Variants in FBXW4 observed in about 807,000 individuals in gnomAD.
The protein encoded by FBXW4 is F-box and WD repeat domain containing 4.
A neutral mutation model predicts 61.8 loss-of-function variants in FBXW4; 40 were observed. That is an observed-to-expected ratio of 0.65 (90% CI 0.50 to 0.84). The LOEUF (loss-of-function observed/expected upper bound fraction) is 0.84, where lower values mean the gene tolerates loss of function less well. FBXW4 is among the 40% of genes least tolerant of loss of function. The pLI, the probability that FBXW4 is intolerant of heterozygous loss-of-function variation, is 0.00. For synonymous variants in FBXW4, 311 were observed against 313.8 expected, an observed-to-expected ratio of 0.99 and a Z score of 0.10; for missense variants, 672 against 753.8, an observed-to-expected ratio of 0.89 and a Z score of 1.27.
At position 101,611,581 on chromosome 10, in the gene FBXW4, A is replaced by G; in HGVS notation, c.1584+47T>C. On this transcript the variant is annotated intron_variant, in intron 8 of 8. Coordinates refer to ENST00000331272, the MANE Select transcript of FBXW4 (RefSeq NM_022039.4). The surrounding 1 kb of genome is among the most constrained non-coding windows in gnomAD (Gnocchi z 4.9). The stretch of plus-strand genomic sequence containing the variant: ...TCACCCTCTCCCAAATGCAGCCCAT[A>G]ATCATGAGTCCTGGCATGCTGGAGA... 1 of 1,605,830 alleles carries G rather than the reference A, an allele frequency of 6.2e-7. No individual in the cohort carries two copies. Among genetic ancestry groups the G allele is most frequent in the Non-Finnish European group, 8.5e-7 (1 of 1,174,144 alleles).
At position 101,611,815 on chromosome 10, in the gene FBXW4, A is replaced by G. The variant is rs760799090; in HGVS notation, c.1443-46T>C. On this transcript the variant is annotated intron_variant, in intron 7 of 8. Transcript: ENST00000331272. This position sits in a 1 kb window ranked among gnomAD's most constrained non-coding sequence, Gnocchi z 4.9. Reference sequence around the variant, plus strand: ...CAGAGGGAGGTTTAGGGTACCCTCCACCTCTACCCCAGCTTTCTTGGGCCT... The same window carrying G: ...CAGAGGGAGGTTTAGGGTACCCTCCGCCTCTACCCCAGCTTTCTTGGGCCT... The G allele has an allele frequency of 6.3e-7, 1 of 1,587,042 alleles. No homozygotes were observed. Among genetic ancestry groups the G allele is most frequent in the Admixed American group, 1.7e-5 (1 of 58,658 alleles).
intron 5 of FBXW4, among the ~76,000 whole-genome samples, chr10:101,636,124 C>T (rs762505301): frequency 1.1e-4 from 17 of 151,848 alleles, no homozygotes; most frequent in African/African-American, 1.7e-4. Context: ...CTGAGGTGGG[C>T]GGATCAGTTG....
chr10:101,662,092 T>C (rs954706687), intron 5 of FBXW4, among the ~76,000 whole-genome samples: 1 of 152,234 alleles, frequency 6.6e-6, no homozygotes, highest in African/African-American at 2.4e-5. Flanking sequence ...GAATCTGAAC[T>C]GCAAGTTGGC....
intron 5 of FBXW4, among the ~76,000 whole-genome samples, chr10:101,631,629 C>CTTTT (rs11286397): frequency 7.2e-6 from 1 of 138,824 alleles, no homozygotes. Context: ...ACATTATTTA[C>CTTTT]TTTTTTTTTT....
chr10:101,611,748 C>T lies in FBXW4; in HGVS notation c.1464G>A (p.Glu488=). Residue 488 remains glutamate (E), a synonymous_variant, in exon 8 of 9, where the codon GAG becomes GAA. Transcript: ENST00000331272. The surrounding 1 kb of genome is among the most constrained non-coding windows in gnomAD (Gnocchi z 4.9). ...AGTACAGGGTGCTGTCGTGGGGCTC[C>T]TCCCACTCCATGACACATTTCCTGT... ...TSVRKCVMEW[E]EPHDSTLYCL... is the part of the protein sequence containing the mutation. 6.2e-7 allele frequency: 1 copy of T among 1,614,016 alleles called. No homozygotes were observed. The highest frequency in any genetic ancestry group is 8.5e-7 in the Non-Finnish European group (1 of 1,179,956).
At chr10:101,622,376 A>G (rs1202156166) in intron 6 of FBXW4, among the ~76,000 whole-genome samples, 1 of 152,214 alleles carries the variant, frequency 6.6e-6, no homozygotes, top group Non-Finnish European at 1.5e-5. Flanking sequence ...AAAGTCAATA[A>G]TTTAGATTCC....
At chr10:101,672,840 G>A in intron 4 of FBXW4, 75 bp downstream of exon 4, 1 of 1,541,698 alleles carries the variant, frequency 6.5e-7, no homozygotes, top group Non-Finnish European at 8.8e-7. Flanking sequence ...AGCCAATCCT[G>A]AGACTCAGGG....
intron 5 of FBXW4, among the ~76,000 whole-genome samples, chr10:101,639,588 G>C (rs1342853356): frequency 2.0e-5 from 3 of 152,304 alleles, no homozygotes; most frequent in South Asian, 4.2e-4. Context: ...GTTCTTACAT[G>C]ACTTTCCCTC....
chr10:101,681,749 A>G (rs1002472726), intron 1 of FBXW4, among the ~76,000 whole-genome samples: 8 of 148,856 alleles, frequency 5.4e-5, no homozygotes, highest in African/African-American at 2.0e-4. Flanking sequence ...TAATAATAAT[A>G]ATAATAATAA....
chr10:101,644,837 T>C (rs2064082418), intron 5 of FBXW4, among the ~76,000 whole-genome samples: 1 of 152,174 alleles, frequency 6.6e-6, no homozygotes, highest in Admixed American at 6.5e-5. Context: ...CCTCCAGTCA[T>C]GCCAACAAAA....
At chr10:101,612,510 C>T (rs776783841) in intron 6 of FBXW4, 33 bp from the exon 7 acceptor site, 52 of 1,513,722 alleles carry the variant, frequency 3.4e-5, no homozygotes, top group Non-Finnish European at 4.4e-5. Flanking sequence ...AGAGGCTGCT[C>T]CACGTGGGTC....
chr10:101,655,576 T>C (rs2064178045), intron 5 of FBXW4, among the ~76,000 whole-genome samples: 1 of 152,208 alleles, frequency 6.6e-6, no homozygotes, highest in Non-Finnish European at 1.5e-5. Flanking sequence ...TCATTTACCA[T>C]AGGACCCCAC....
At chr10:101,639,373 C>T (rs1447676182) in intron 5 of FBXW4, among the ~76,000 whole-genome samples, 1 of 152,140 alleles carries the variant, frequency 6.6e-6, no homozygotes, top group Non-Finnish European at 1.5e-5. Context: ...GGGAGGAGGT[C>T]AAAGGCTGTA....
At chr10:101,636,379 A>T (rs531505666) in intron 5 of FBXW4, among the ~76,000 whole-genome samples, 13 of 151,932 alleles carry the variant, frequency 8.6e-5, no homozygotes, top group African/African-American at 3.1e-4. Flanking sequence ...CAAAAAACAA[A>T]AACAAAACAA....
At chr10:101,629,441 G>A (rs527905158) in intron 5 of FBXW4, among the ~76,000 whole-genome samples, 2 of 152,066 alleles carry the variant, frequency 1.3e-5, no homozygotes, top group African/African-American at 4.8e-5. Context: ...GCACCACCAC[G>A]CCTGGCTAAT....
At chr10:101,613,436 C>T (rs976921063) in intron 6 of FBXW4, among the ~76,000 whole-genome samples, 1 of 152,210 alleles carries the variant, frequency 6.6e-6, no homozygotes, top group Non-Finnish European at 1.5e-5. Flanking sequence ...CTTCCTTTAC[C>T]CGTGAGACGC....
intron 4 of FBXW4, among the ~76,000 whole-genome samples, chr10:101,670,683 A>G (rs2064350850): frequency 6.6e-6 from 1 of 152,224 alleles, no homozygotes; most frequent in Admixed American, 6.5e-5. Flanking sequence ...CCTCACACAC[A>G]GTAGGCACTC....
At chr10:101,662,261 C>T (rs1271234366) in intron 5 of FBXW4, among the ~76,000 whole-genome samples, 2 of 152,200 alleles carry the variant, frequency 1.3e-5, no homozygotes, top group Admixed American at 1.3e-4. Flanking sequence ...CAAACACCCT[C>T]CTTTCCCCAA....
intron 1 of FBXW4, among the ~76,000 whole-genome samples, chr10:101,688,321 T>C (rs1357069438): frequency 6.6e-6 from 1 of 152,202 alleles, no homozygotes; most frequent in African/African-American, 2.4e-5. Context: ...TCTCAGCAAT[T>C]TGAGCTCATG....
Sources: allele counts gnomAD v4.1 joint callset (sites outside exome capture counted in the v4.1 genomes callset), GRCh38; gene constraint gnomAD v4.1.1; non-coding constraint Gnocchi (gnomAD v3.1); transcripts MANE v1.5; gene names NCBI Gene and HGNC (gene_info 2026-07-23, HGNC 2026-07-21).